The following AP2A2 variants were observed in gnomAD, a reference collection of about 807,000 sequenced individuals.
AP2A2 encodes the protein adaptor related protein complex 2 subunit alpha 2, also known as AP-2 complex subunit alpha-2.
Under a neutral mutation model 104.2 loss-of-function variants are expected in AP2A2, and 32 were observed. The ratio of observed to expected loss-of-function variants is 0.31; its 90% CI spans 0.23 to 0.41. The LOEUF is 0.41. AP2A2 is among the 10% of genes least tolerant of loss of function. The probability of loss-of-function intolerance (pLI) is 1.00; values close to 1 mark genes in which losing one functional copy is unlikely to be tolerated. For missense variants in AP2A2, 912 were observed against 1,261.0 expected (o/e 0.72, Z 4.19); for synonymous variants, 539 against 533.3 (o/e 1.01, Z -0.15).
intron 5 of AP2A2, among the ~76,000 whole-genome samples, chr11:977,691 G>A (rs1430247015): frequency 6.6e-6 from 1 of 151,844 alleles, no homozygotes; most frequent in Non-Finnish European, 1.5e-5. Context: ...ACGTGTGGGG[G>A]AGGGGCTGTG....
Position 965,695 on chromosome 11 carries a change from C to T in AP2A2, c.137-4474C>T, listed in dbSNP as rs180812387. Among the ~76,000 whole-genome samples, 5 of 152,294 alleles carry T rather than the reference C, an allele frequency of 3.3e-5. No individual in the cohort carries two copies. The East Asian group carries it at 9.7e-4, about 29-fold the overall frequency. Reference sequence around the variant, plus strand: ...ACGGTGGCCCCGGCTGACCTGCAGACGCATGGGCAAGAAATCAGTGCTTAT... The same window carrying T: ...ACGGTGGCCCCGGCTGACCTGCAGATGCATGGGCAAGAAATCAGTGCTTAT... On this transcript the variant is annotated intron_variant, in intron 2 of 21. Transcript: ENST00000448903.
chr11:954,149 A>G (rs939455685), intron 1 of AP2A2, among the ~76,000 whole-genome samples: 9 of 152,174 alleles, frequency 5.9e-5, no homozygotes, highest in African/African-American at 1.9e-4. Flanking sequence ...TTGCACAGAC[A>G]TGATGCCGTG....
intron 2 of AP2A2, 78 bp from the exon 3 acceptor site, chr11:970,091 G>T: frequency 1.3e-6 from 2 of 1,522,786 alleles, no homozygotes; most frequent in Middle Eastern, 3.5e-4. Context: ...CTGCTGTACT[G>T]CTGCACTGCC....
intron 1 of AP2A2, among the ~76,000 whole-genome samples, chr11:946,233 T>C (rs1853827704): frequency 6.6e-6 from 1 of 152,150 alleles, no homozygotes; most frequent in South Asian, 2.1e-4. Flanking sequence ...AGCTCCGTGG[T>C]AACCATGGAA....
At position 967,139 on chromosome 11, in the gene AP2A2, C is replaced by T. The variant is rs942981796; in HGVS notation, c.137-3030C>T. ...CCAAGATTGCACCACTGCACTCCAG[C>T]CTGGGCAGCAGAGCAAGACTGTCTG... On this transcript the variant is annotated intron_variant, in intron 2 of 21. Transcript: ENST00000448903. 4.6e-5 allele frequency among the ~76,000 whole-genome samples: 7 copies of T among 152,108 alleles called. No individual in the cohort carries two copies. The South Asian group carries it at 8.3e-4, about 18-fold the overall frequency.
chr11:937,248 G>A (rs1309781846), intron 1 of AP2A2, among the ~76,000 whole-genome samples: 3 of 151,830 alleles, frequency 2.0e-5, no homozygotes, highest in Non-Finnish European at 4.4e-5. Flanking sequence ...TCGAACTCCC[G>A]ACCTTAGGTG....
intron 1 of AP2A2, among the ~76,000 whole-genome samples, chr11:945,615 G>T (rs1216764178): frequency 6.6e-6 from 1 of 152,144 alleles, no homozygotes; most frequent in Non-Finnish European, 1.5e-5. Flanking sequence ...TTACAGGCAT[G>T]AGCTAATGCA....
intron 6 of AP2A2, among the ~76,000 whole-genome samples, chr11:983,546 C>T (rs1056887352): frequency 1.3e-5 from 2 of 151,328 alleles, no homozygotes; most frequent in Admixed American, 1.3e-4. Flanking sequence ...CCATGCCTGG[C>T]TAATTTTTTG....
At chr11:969,622 A>G (rs1161589447) in intron 2 of AP2A2, among the ~76,000 whole-genome samples, 1 of 152,058 alleles carries the variant, frequency 6.6e-6, no homozygotes, top group African/African-American at 2.4e-5. Context: ...ATCCCTTGTG[A>G]GGGGCTCAGA....
At chr11:1,010,174 C>T (rs1037688622) in intron 21 of AP2A2, 9 of 469,954 alleles carry the variant, frequency 1.9e-5, no homozygotes, top group Middle Eastern at 5.7e-4. Context: ...TCTCTGTCAC[C>T]GCGTTGTTCC....
At chr11:928,622 A>G (rs1308951730) in intron 1 of AP2A2, among the ~76,000 whole-genome samples, 1 of 152,246 alleles carries the variant, frequency 6.6e-6, no homozygotes, top group Non-Finnish European at 1.5e-5. Context: ...ATAAGGAACA[A>G]TGTCTCCAGG....
chr11:989,315 A>T (rs1366069128), intron 10 of AP2A2, among the ~76,000 whole-genome samples: 1 of 151,948 alleles, frequency 6.6e-6, no homozygotes, highest in Non-Finnish European at 1.5e-5. Context: ...CCTGAGCAAC[A>T]AGAGCGAAAC....
chr11:993,763 C>T lies in AP2A2; in HGVS notation c.1560C>T (p.Ile520=), dbSNP rs745871789. The stretch of plus-strand genomic sequence containing the variant: ...GCCTCCCCGTCCCCAGCCCGCTGAT[C>T]CAGTTCCACCTGCTGCACTCCAAGT... The part of the protein sequence containing the change: ...IAGDPRSSPL[I]QFHLLHSKFH... Residue 520 remains isoleucine, a synonymous_variant, in exon 13 of 22, where the codon ATC becomes ATT. Coordinates refer to ENST00000448903, the MANE Select transcript of AP2A2 (RefSeq NM_012305.4). The surrounding 1 kb of genome is among the most constrained non-coding windows in gnomAD (Gnocchi z 8.2). 1 of 1,596,080 alleles carries T rather than the reference C, an allele frequency of 6.3e-7. No homozygotes were observed. The highest frequency in any genetic ancestry group is 1.1e-5 in the South Asian group (1 of 88,666).
chr11:944,884 G>C (rs533157600), intron 1 of AP2A2, among the ~76,000 whole-genome samples: 2 of 138,296 alleles, frequency 1.4e-5, no homozygotes, highest in African/African-American at 5.2e-5. Flanking sequence ...GGTTAGGTTG[G>C]GGGGAATGAA....
rs577055805 is a variant in AP2A2, at chr11:982,624, T to A, written c.705+1325T>A. Among the ~76,000 whole-genome samples the A allele has an allele frequency of 3.7e-3, 557 of 152,236 alleles. 4 individuals are homozygous for A. The highest frequency in any genetic ancestry group is 5.4e-3 in the Non-Finnish European group (369 of 68,032). ...TTTTATCATTAACTGGTAAAAACAT[T>A]TGAACTTGCAGTTTTCTTTGTGGGA... is the stretch of plus-strand genomic sequence containing the variant. On this transcript the variant is annotated intron_variant, in intron 6 of 21. Transcript: ENST00000448903.
intron 1 of AP2A2, among the ~76,000 whole-genome samples, chr11:953,954 C>T: frequency 6.6e-6 from 1 of 151,910 alleles, no homozygotes; most frequent in East Asian, 1.9e-4. Flanking sequence ...TCTGCCTCAA[C>T]TTCCTGAGTA....
chr11:978,821 G>GT (rs1855140502), intron 5 of AP2A2, among the ~76,000 whole-genome samples: 2 of 152,196 alleles, frequency 1.3e-5, no homozygotes, highest in African/African-American at 4.8e-5. Context: ...CTTGTGGAGT[G>GT]GGACAGGAAG....
chr11:1,010,148 C>G, intron 21 of AP2A2: 1 of 469,106 alleles, frequency 2.1e-6, no homozygotes, highest in South Asian at 3.2e-5. Context: ...TGGGCGGTGG[C>G]TCTCCCAGCT....
intron 1 of AP2A2, 71 bp downstream of exon 1, chr11:926,159 C>G: frequency 1.1e-6 from 1 of 901,788 alleles, no homozygotes; most frequent in Non-Finnish European, 1.4e-6. Flanking sequence ...AGCGGAGGCC[C>G]GGGGCGGGGC....
Sources: allele counts gnomAD v4.1 joint callset (sites outside exome capture counted in the v4.1 genomes callset), GRCh38; gene constraint gnomAD v4.1.1; non-coding constraint Gnocchi (gnomAD v3.1); transcripts MANE v1.5; gene names NCBI Gene and HGNC (gene_info 2026-07-23, HGNC 2026-07-21).